RBMS3: variants seen among roughly 807,000 people sequenced by gnomAD.
The protein encoded by RBMS3 is RNA binding motif single stranded interacting protein 3.
A neutral mutation model predicts 66.8 loss-of-function variants in RBMS3; 27 were observed. The ratio of observed to expected loss-of-function variants is 0.40; its 90% CI spans 0.30 to 0.56. The LOEUF is 0.56. Ranked by LOEUF, RBMS3 falls within the 20% of genes least tolerant of loss-of-function variation. The pLI, the probability that RBMS3 is intolerant of heterozygous loss-of-function variation, is 0.40. For missense variants in RBMS3, 513 were observed against 549.5 expected (o/e 0.93, Z 0.66); for synonymous variants, 188 against 183.0 (o/e 1.03, Z -0.22).
At chr3:29,732,410 A>G (rs1360065486) in intron 4 of RBMS3, among the ~76,000 whole-genome samples, 2 of 152,214 alleles carry the variant, frequency 1.3e-5, no homozygotes, top group African/African-American at 4.8e-5. Flanking sequence ...CAGTGTATCA[A>G]TTTAAACGTT....
At chr3:29,898,687 G>T (rs1351729290) in intron 9 of RBMS3, among the ~76,000 whole-genome samples, 2 of 150,878 alleles carry the variant, frequency 1.3e-5, no homozygotes, top group African/African-American at 2.4e-5. Flanking sequence ...CTATGTGCAG[G>T]TTCTGTTCAG....
chr3:29,358,806 C>G (rs893359931), intron 1 of RBMS3, among the ~76,000 whole-genome samples: 5 of 152,116 alleles, frequency 3.3e-5, no homozygotes, highest in African/African-American at 1.2e-4. Context: ...CTCTTTGAAG[C>G]AATTGTGAAT....
At chr3:29,399,290 C>A (rs1055961951) in intron 1 of RBMS3, among the ~76,000 whole-genome samples, 3 of 152,060 alleles carry the variant, frequency 2.0e-5, no homozygotes, top group Non-Finnish European at 4.4e-5. Flanking sequence ...TGGCTTATAT[C>A]AGTAATAGTT....
At position 29,707,721 on chromosome 3, in the gene RBMS3, T is replaced by C. The variant is rs920703144; in HGVS notation, c.400-31999T>C. Among the ~76,000 whole-genome samples, 4 of 152,244 alleles carry C rather than the reference T, an allele frequency of 2.6e-5. No homozygotes were observed. The East Asian group carries it at 7.7e-4, about 29-fold the overall frequency. On this transcript the variant is annotated intron_variant, in intron 4 of 14. Coordinates refer to ENST00000383767, the MANE Select transcript of RBMS3 (RefSeq NM_001003793.3). ...AAGACACTTTTATTTTATGGTCCCC[T>C]GCCATTTCTCTCTGCCATGGGACAA...
At chr3:29,644,754 G>T (rs1028704068) in intron 4 of RBMS3, among the ~76,000 whole-genome samples, 5 of 152,130 alleles carry the variant, frequency 3.3e-5, no homozygotes, top group Admixed American at 3.3e-4. Flanking sequence ...GCGAAAGTAG[G>T]ATTATAGCCG....
At chr3:29,409,170 G>T (rs1462625915) in intron 1 of RBMS3, among the ~76,000 whole-genome samples, 2 of 146,068 alleles carry the variant, frequency 1.4e-5, no homozygotes, top group Admixed American at 6.8e-5. Flanking sequence ...AATAGAAATA[G>T]ATAAAAAAAA....
At chr3:29,959,617 T>A (rs1472619528) in intron 12 of RBMS3, among the ~76,000 whole-genome samples, 1 of 152,158 alleles carries the variant, frequency 6.6e-6, no homozygotes, top group Non-Finnish European at 1.5e-5. Context: ...ATTTTCATGA[T>A]GCTGCGAAGA....
At chr3:29,402,627 C>T (rs1000525364) in intron 1 of RBMS3, among the ~76,000 whole-genome samples, 6 of 151,900 alleles carry the variant, frequency 3.9e-5, no homozygotes, top group African/African-American at 1.5e-4. Flanking sequence ...AAGACATATT[C>T]TTGATTAGAA....
intron 2 of RBMS3, among the ~76,000 whole-genome samples, chr3:29,484,291 A>G (rs970388739): frequency 8.5e-5 from 13 of 152,198 alleles, no homozygotes; most frequent in African/African-American, 3.1e-4. Context: ...GGGTGGCTTC[A>G]TGAAAATATA....
At chr3:29,980,667 T>C (rs62235526) in intron 12 of RBMS3, among the ~76,000 whole-genome samples, 26,375 of 152,122 alleles carry the variant, frequency 0.17, 2,742 homozygotes, top group East Asian at 0.37. Flanking sequence ...CCAGTTTTCC[T>C]AACACCACTT....
chr3:29,748,193 AC>A (rs1389106608), intron 5 of RBMS3, among the ~76,000 whole-genome samples: 1 of 152,178 alleles, frequency 6.6e-6, no homozygotes, highest in East Asian at 1.9e-4. Flanking sequence ...AGGCAAGAGA[AC>A]AATCCTGGCA....
intron 6 of RBMS3, among the ~76,000 whole-genome samples, chr3:29,795,194 G>A (rs751976621): frequency 6.6e-6 from 1 of 152,166 alleles, no homozygotes; most frequent in Admixed American, 6.5e-5. Flanking sequence ...TCTGTCTTTT[G>A]TAAGTGCTTG....
At chr3:29,632,179 A>G (rs1451919711) in intron 4 of RBMS3, among the ~76,000 whole-genome samples, 1 of 151,920 alleles carries the variant, frequency 6.6e-6, no homozygotes, top group East Asian at 1.9e-4. Flanking sequence ...TACTATATTA[A>G]CTAACTTTTG....
At chr3:29,335,070 G>A (rs1462134131) in intron 1 of RBMS3, among the ~76,000 whole-genome samples, 1 of 150,948 alleles carries the variant, frequency 6.6e-6, no homozygotes, top group Non-Finnish European at 1.5e-5. Flanking sequence ...CTTTTTTGCT[G>A]TTAACATACT....
chr3:29,501,749 C>T (rs3773041), intron 3 of RBMS3, among the ~76,000 whole-genome samples: 19,414 of 152,006 alleles, frequency 0.13, 1,804 homozygotes, highest in African/African-American at 0.26. Context: ...GAACCAATAC[C>T]CAAACTCAAA....
rs2061299676 is a variant in RBMS3, at chr3:29,937,602, A to G, written c.1050+1406A>G. ...TGCCTATCACTAAGATCTCAGTTGC[A>G]GAACCTGTAAAAAGCAGTCGATGGT... On this transcript the variant is annotated intron_variant, in intron 11 of 14. Transcript: ENST00000383767. Among the ~76,000 whole-genome samples, 3 of 152,146 alleles carry G rather than the reference A, an allele frequency of 2.0e-5. No homozygotes were observed. In the South Asian group the frequency reaches 6.2e-4, roughly 31 times the overall value.
intron 14 of RBMS3, among the ~76,000 whole-genome samples, chr3:30,003,078 A>T (rs1699681824): frequency 6.6e-6 from 1 of 152,074 alleles, no homozygotes; most frequent in Non-Finnish European, 1.5e-5. Flanking sequence ...TACAGAGATA[A>T]TATAGAGGTC....
chr3:29,357,419 G>A (rs921490784), intron 1 of RBMS3, among the ~76,000 whole-genome samples: 3 of 152,150 alleles, frequency 2.0e-5, no homozygotes, highest in Non-Finnish European at 2.9e-5. Flanking sequence ...TGGTGTATAT[G>A]TGCCACATTT....
intron 2 of RBMS3, among the ~76,000 whole-genome samples, chr3:29,483,309 C>CAAAAAAAAAAAAAAA (rs72225547): frequency 1.3e-5 from 1 of 75,584 alleles, no homozygotes; most frequent in African/African-American, 3.9e-5. Flanking sequence ...TTCGTCTTAA[C>CAAAAAAAAAAAAAAA]AAAAAAAAAA....
Sources: allele counts gnomAD v4.1 joint callset (sites outside exome capture counted in the v4.1 genomes callset), GRCh38; gene constraint gnomAD v4.1.1; transcripts MANE v1.5; gene names NCBI Gene and HGNC (gene_info 2026-07-23, HGNC 2026-07-21).